The following ZBTB20 variants were observed in gnomAD, a reference collection of about 807,000 sequenced individuals.
ZBTB20 encodes the protein zinc finger and BTB domain containing 20, also known as zinc finger and BTB domain-containing protein 20.
In ZBTB20, 9 loss-of-function variants were observed where a neutral mutation model predicts 56.9. That is an observed-to-expected ratio of 0.16 (90% CI 0.10 to 0.28). The LOEUF (loss-of-function observed/expected upper bound fraction) is 0.28. ZBTB20 is among the 10% of genes least tolerant of loss of function. ZBTB20 has a pLI of 1.00. For synonymous variants in ZBTB20, 417 were observed against 420.7 expected (o/e 0.99, Z 0.11); for missense variants, 655 against 1,003.0 (o/e 0.65, Z 4.69).
intron 7 of ZBTB20, among the ~76,000 whole-genome samples, chr3:114,453,100 G>A (rs6438209): frequency 6.6e-6 from 1 of 151,892 alleles, no homozygotes. Context: ...ATTTCTTTTT[G>A]CTTTTGTTGG....
chr3:114,411,351 A>G (rs2087927846), intron 7 of ZBTB20, among the ~76,000 whole-genome samples: 1 of 152,130 alleles, frequency 6.6e-6, no homozygotes, highest in Non-Finnish European at 1.5e-5. Context: ...TCATGTTCCA[A>G]AACTAATTGG....
chr3:114,426,337 CAAAAAAAAAAAAAAAA>C (rs60778829), intron 7 of ZBTB20, among the ~76,000 whole-genome samples: 8,474 of 109,616 alleles, frequency 0.077, 452 homozygotes, highest in East Asian at 0.2. Context: ...GACTCCATCT[CAAAAAAAAAAAAAAAA>C]AAAAAAAAAA....
chr3:114,935,578 G>T (rs1245946238), intron 3 of ZBTB20, among the ~76,000 whole-genome samples: 2 of 152,160 alleles, frequency 1.3e-5, no homozygotes, highest in African/African-American at 2.4e-5. Flanking sequence ...GAAAATTACT[G>T]CATTTTGTAA....
chr3:114,522,368 C>T (rs1017669619), intron 6 of ZBTB20, among the ~76,000 whole-genome samples: 33 of 152,078 alleles, frequency 2.2e-4, no homozygotes, highest in African/African-American at 6.7e-4. Flanking sequence ...TAGGGTGGAG[C>T]GCTAAATGAA....
At chr3:114,666,164 T>C (rs2061043270) in intron 6 of ZBTB20, among the ~76,000 whole-genome samples, 1 of 152,058 alleles carries the variant, frequency 6.6e-6, no homozygotes, top group African/African-American at 2.4e-5. Context: ...TTTCCCTTTG[T>C]CTATTTCCCT....
At chr3:114,793,937 C>T (rs1330988437) in intron 5 of ZBTB20, among the ~76,000 whole-genome samples, 2 of 151,762 alleles carry the variant, frequency 1.3e-5, no homozygotes, top group Non-Finnish European at 2.9e-5. Flanking sequence ...ATTTTTCTTA[C>T]CCTCCTAAAT....
chr3:114,811,738 G>A (rs2072526853), intron 4 of ZBTB20, among the ~76,000 whole-genome samples: 1 of 149,120 alleles, frequency 6.7e-6, no homozygotes, highest in Non-Finnish European at 1.5e-5. Context: ...TACTGTTTCT[G>A]TCTGGAAAAC....
At chr3:114,406,028 A>T (rs1452522061) in intron 7 of ZBTB20, among the ~76,000 whole-genome samples, 1 of 152,050 alleles carries the variant, frequency 6.6e-6, no homozygotes, top group Admixed American at 6.6e-5. Context: ...AAAACCCTAC[A>T]TGCCAAGTAG....
chr3:114,813,921 A>G (rs1285328835), intron 4 of ZBTB20, among the ~76,000 whole-genome samples: 4 of 152,218 alleles, frequency 2.6e-5, no homozygotes, highest in Non-Finnish European at 5.9e-5. Context: ...TAAAGTTCAC[A>G]GTAATAAGAT....
chr3:114,462,441 C>T (rs1017482362), intron 7 of ZBTB20, among the ~76,000 whole-genome samples: 1 of 152,136 alleles, frequency 6.6e-6, no homozygotes, highest in African/African-American at 2.4e-5. Context: ...ATTCTGTATG[C>T]CAGTGAAAGT....
intron 6 of ZBTB20, among the ~76,000 whole-genome samples, chr3:114,621,914 A>G (rs566331456): frequency 6.2e-4 from 95 of 152,164 alleles, no homozygotes; most frequent in Non-Finnish European, 1.1e-3. Flanking sequence ...ATATATTTCA[A>G]TTTAGTCATG....
At chr3:114,962,805 A>G (rs1469175459) in intron 3 of ZBTB20, among the ~76,000 whole-genome samples, 3 of 152,130 alleles carry the variant, frequency 2.0e-5, no homozygotes, top group Non-Finnish European at 4.4e-5. Flanking sequence ...TGAGAAAAAA[A>G]GGGAAAAACT....
At chr3:114,550,119 T>A (rs926999564) in intron 6 of ZBTB20, among the ~76,000 whole-genome samples, 1 of 152,074 alleles carries the variant, frequency 6.6e-6, no homozygotes, top group South Asian at 2.1e-4. Flanking sequence ...TTTGTATTTT[T>A]AGTAGAGATG....
intron 3 of ZBTB20, among the ~76,000 whole-genome samples, chr3:114,973,153 G>A (rs965082819): frequency 6.6e-6 from 1 of 152,112 alleles, no homozygotes; most frequent in Admixed American, 6.6e-5. Flanking sequence ...AAGAGGTAAT[G>A]AAATATGAGG....
chr3:114,534,870 C>A (rs563639048), intron 6 of ZBTB20, among the ~76,000 whole-genome samples: 6 of 152,314 alleles, frequency 3.9e-5, no homozygotes, highest in African/African-American at 1.2e-4. Context: ...GGAAACTGAA[C>A]AACCTGCTCC....
intron 7 of ZBTB20, among the ~76,000 whole-genome samples, chr3:114,449,068 G>GTTTCTTTCTT (rs544603883): frequency 2.0e-5 from 3 of 152,056 alleles, no homozygotes; most frequent in African/African-American, 7.2e-5. Context: ...AACCTGGCAG[G>GTTTCTTTCTT]TTTCTTTCTT....
At chr3:114,470,251 T>C (rs1051431015) in intron 7 of ZBTB20, among the ~76,000 whole-genome samples, 4 of 152,144 alleles carry the variant, frequency 2.6e-5, no homozygotes, top group Non-Finnish European at 4.4e-5. Flanking sequence ...ACTACTAAAG[T>C]ACATTAGGAA....
chr3:114,580,164 G>A (rs1453651534), intron 6 of ZBTB20, among the ~76,000 whole-genome samples: 3 of 151,274 alleles, frequency 2.0e-5, no homozygotes, highest in African/African-American at 7.3e-5. Flanking sequence ...TACACCAAGA[G>A]CAAGAATATT....
At chr3:114,649,756 A>G (rs2060032032) in intron 6 of ZBTB20, among the ~76,000 whole-genome samples, 1 of 151,934 alleles carries the variant, frequency 6.6e-6, no homozygotes, top group African/African-American at 2.4e-5. Flanking sequence ...ACATTCCTTT[A>G]AATTTACACT....
Sources: gnomAD v4.1 joint callset for allele counts (sites outside exome capture counted in the v4.1 genomes callset) on GRCh38, gnomAD v4.1.1 for gene constraint, MANE v1.5 for transcripts, NCBI Gene and HGNC (gene_info 2026-07-23, HGNC 2026-07-21) for gene names.